SLC35D4: variants seen among roughly 807,000 people sequenced by gnomAD.
The protein encoded by SLC35D4 is solute carrier family 35 member D4.
At chr18:23,273,826 T>C in the SLC35D4 span, among the ~76,000 whole-genome samples, 1 of 152,232 alleles carries the variant, frequency 6.6e-6, no homozygotes, top group Non-Finnish European at 1.5e-5. Flanking sequence ...TTACTGTCTG[T>C]TTACTGTGTG....
the SLC35D4 span, among the ~76,000 whole-genome samples, chr18:23,299,792 C>A: frequency 6.6e-6 from 1 of 152,166 alleles, no homozygotes; most frequent in Non-Finnish European, 1.5e-5. Context: ...GGATGTCCCC[C>A]ACTTGGTTCA....
At chr18:23,385,143 T>G in the SLC35D4 span, 13 of 1,439,020 alleles carry the variant, frequency 9.0e-6, no homozygotes, top group African/African-American at 1.7e-4. Flanking sequence ...ATTTTTTGCT[T>G]AAAAATAAAG....
chr18:23,340,913 T>C, the SLC35D4 span, among the ~76,000 whole-genome samples: 9 of 152,346 alleles, frequency 5.9e-5, no homozygotes, highest in African/African-American at 1.9e-4. Context: ...CAAGTCAGTC[T>C]GAAGTTAACA....
At chr18:23,290,815 T>C in the SLC35D4 span, among the ~76,000 whole-genome samples, 6 of 151,898 alleles carry the variant, frequency 4.0e-5, no homozygotes, top group African/African-American at 1.5e-4. Context: ...TTTTGTATTT[T>C]TTAGTAGAAA....
the SLC35D4 span, among the ~76,000 whole-genome samples, chr18:23,435,231 C>A: frequency 8.0e-6 from 1 of 125,604 alleles, no homozygotes; most frequent in Non-Finnish European, 1.6e-5. Flanking sequence ...TTTCTATGAA[C>A]TAAATGCTAT....
chr18:23,263,806 G>A, the SLC35D4 span, among the ~76,000 whole-genome samples: 9 of 152,182 alleles, frequency 5.9e-5, no homozygotes, highest in African/African-American at 2.2e-4. Flanking sequence ...CAGGGATTAC[G>A]AGCTGTCTGA....
chr18:23,273,572 G>C, the SLC35D4 span, among the ~76,000 whole-genome samples: 2 of 152,182 alleles, frequency 1.3e-5, no homozygotes, highest in Non-Finnish European at 2.9e-5. Flanking sequence ...TGCTTATGAA[G>C]GTCTAGAGAA....
At chr18:23,351,785 C>A in the SLC35D4 span, among the ~76,000 whole-genome samples, 5 of 152,188 alleles carry the variant, frequency 3.3e-5, no homozygotes, top group Non-Finnish European at 7.4e-5. Context: ...TTATGCTTCC[C>A]CCATAGTCAT....
chr18:23,402,251 G>A, the SLC35D4 span, among the ~76,000 whole-genome samples: 1 of 152,230 alleles, frequency 6.6e-6, no homozygotes, highest in East Asian at 1.9e-4. Context: ...CAAGGCAAGT[G>A]TGAAGGGATA....
the SLC35D4 span, among the ~76,000 whole-genome samples, chr18:23,275,995 GAA>G: frequency 1.3e-5 from 2 of 152,174 alleles, no homozygotes; most frequent in East Asian, 3.8e-4. Context: ...TACGGATGAT[GAA>G]AAGATTCCAG....
At chr18:23,342,050 A>G in the SLC35D4 span, among the ~76,000 whole-genome samples, 4 of 152,228 alleles carry the variant, frequency 2.6e-5, no homozygotes, top group Admixed American at 2.6e-4. Flanking sequence ...TGCTTTGAGC[A>G]CTATTACTTT....
chr18:23,302,310 A>C, the SLC35D4 span, among the ~76,000 whole-genome samples: 7 of 152,164 alleles, frequency 4.6e-5, no homozygotes, highest in Non-Finnish European at 8.8e-5. Context: ...TTTCAAATGG[A>C]ATTTTCTCCA....
chr18:23,328,870 A>G, the SLC35D4 span, among the ~76,000 whole-genome samples: 7 of 152,172 alleles, frequency 4.6e-5, no homozygotes, highest in Non-Finnish European at 8.8e-5. Context: ...ATAGACCAAT[A>G]GAACAGGACA....
chr18:23,354,249 C>T, the SLC35D4 span, among the ~76,000 whole-genome samples: 1 of 149,792 alleles, frequency 6.7e-6, no homozygotes, highest in African/African-American at 2.5e-5. Flanking sequence ...AGCCTGTAAT[C>T]TCAGCATTTT....
the SLC35D4 span, among the ~76,000 whole-genome samples, chr18:23,412,451 T>C: frequency 6.6e-6 from 1 of 152,234 alleles, no homozygotes; most frequent in African/African-American, 2.4e-5. Context: ...CATCACTAAT[T>C]ATAGAAGACC....
chr18:23,369,388 G>A, the SLC35D4 span, among the ~76,000 whole-genome samples: 1 of 152,156 alleles, frequency 6.6e-6, no homozygotes, highest in African/African-American at 2.4e-5. Context: ...CAGCGCTCCA[G>A]GCCTGAAGTC....
the SLC35D4 span, chr18:23,430,743 A>C: frequency 7.1e-7 from 1 of 1,417,752 alleles, no homozygotes; most frequent in Non-Finnish European, 9.8e-7. Flanking sequence ...CATATAATCA[A>C]AGACATTTCT....
chr18:23,335,295 T>C, the SLC35D4 span, among the ~76,000 whole-genome samples: 1 of 152,212 alleles, frequency 6.6e-6, no homozygotes, highest in African/African-American at 2.4e-5. Flanking sequence ...TTTCTATCAT[T>C]GATGCATCCA....
chr18:23,247,937 CCTCCCTGCCCA>C, the SLC35D4 span, among the ~76,000 whole-genome samples: 1 of 152,242 alleles, frequency 6.6e-6, no homozygotes, highest in Admixed American at 6.5e-5. Flanking sequence ...GCTCATGGGC[CCTCCCTGCCCA>C]CTCCCTGCCA....
Sources: allele counts gnomAD v4.1 joint callset (sites outside exome capture counted in the v4.1 genomes callset), GRCh38; gene constraint gnomAD v4.1.1; transcripts MANE v1.5; gene names NCBI Gene and HGNC (gene_info 2026-07-23, HGNC 2026-07-21).